Variants in RIN3 observed in about 807,000 individuals in gnomAD.
The protein encoded by RIN3 is Ras and Rab interactor 3.
Under a neutral mutation model 76.3 loss-of-function variants are expected in RIN3, and 54 were observed. The observed-to-expected ratio is 0.71, with a 90% CI of 0.57 to 0.89. The LOEUF (loss-of-function observed/expected upper bound fraction) is 0.89. Ranked by LOEUF, RIN3 falls within the 40% of genes least tolerant of loss-of-function variation. The pLI is 0.00. For synonymous variants in RIN3, 576 were observed against 564.0 expected, an observed-to-expected ratio of 1.02 and a Z score of -0.30; for missense variants, 1,256 against 1,322.1, an observed-to-expected ratio of 0.95 and a Z score of 0.78.
At chr14:92,665,372 T>A (rs1020104665) in intron 7 of RIN3, among the ~76,000 whole-genome samples, 1 of 18,796 alleles carries the variant, frequency 5.3e-5, no homozygotes, top group South Asian at 1.8e-3. Context: ...CTTTGTCTCT[T>A]TTTTTTTTTT....
At chr14:92,624,343 C>T (rs1886279267) in intron 4 of RIN3, among the ~76,000 whole-genome samples, 1 of 152,166 alleles carries the variant, frequency 6.6e-6, no homozygotes, top group African/African-American at 2.4e-5. Flanking sequence ...CATCTGCTCC[C>T]ATACCATAGA....
At chr14:92,669,653 G>T (rs1888220915) in intron 7 of RIN3, among the ~76,000 whole-genome samples, 1 of 152,024 alleles carries the variant, frequency 6.6e-6, no homozygotes, top group Admixed American at 6.5e-5. Context: ...GTGAGGTGGG[G>T]GGTAGTTTTG....
chr14:92,615,551 G>A, intron 4 of RIN3, 72 bp downstream of exon 4: 1 of 1,325,684 alleles, frequency 7.5e-7, no homozygotes, highest in Non-Finnish European at 1.1e-6. Context: ...GGTGGGTGCA[G>A]GGGACTTCAC....
At chr14:92,518,005 A>G (rs61504236) in intron 1 of RIN3, among the ~76,000 whole-genome samples, 33,021 of 152,104 alleles carry the variant, frequency 0.22, 7,950 homozygotes, top group African/African-American at 0.6. Flanking sequence ...ACAGCTTCAC[A>G]TCTTCTGTCC....
chr14:92,578,631 G>A (rs934433068), intron 3 of RIN3, among the ~76,000 whole-genome samples: 2 of 152,172 alleles, frequency 1.3e-5, no homozygotes, highest in African/African-American at 2.4e-5. Context: ...ACAGTTTGGC[G>A]GGTAGGAGGG....
At chr14:92,651,498 G>GGCCCCCCCCCCCCCCCCCCCCC in intron 5 of RIN3, 84 bp from the exon 6 acceptor site, 8 of 707,776 alleles carry the variant, frequency 1.1e-5, no homozygotes, top group East Asian at 3.6e-5. Context: ...CCCACCCGTG[G>GGCCCCCCCCCCCCCCCCCCCCC]ACCCCGCCCA....
chr14:92,546,881 G>A (rs537765420), intron 1 of RIN3, among the ~76,000 whole-genome samples: 13 of 151,580 alleles, frequency 8.6e-5, no homozygotes, highest in African/African-American at 3.1e-4. Context: ...GACCACATGT[G>A]TGGTTGCTAC....
chr14:92,614,783 A>T (rs1289465300), intron 3 of RIN3, among the ~76,000 whole-genome samples: 1 of 139,250 alleles, frequency 7.2e-6, no homozygotes, highest in Non-Finnish European at 1.5e-5. Context: ...TAGAACTGTG[A>T]GTCCATTAAA....
intron 4 of RIN3, among the ~76,000 whole-genome samples, chr14:92,635,220 C>T (rs1886732188): frequency 6.6e-6 from 1 of 152,212 alleles, no homozygotes. Flanking sequence ...CTAATGTTTA[C>T]TGAGGCATGA....
chr14:92,534,087 A>G (rs1003733909), intron 1 of RIN3, among the ~76,000 whole-genome samples: 1 of 152,014 alleles, frequency 6.6e-6, no homozygotes, highest in Non-Finnish European at 1.5e-5. Context: ...TTTTATATAT[A>G]TTTATATATG....
At chr14:92,590,385 C>T (rs909064412) in intron 3 of RIN3, among the ~76,000 whole-genome samples, 2 of 152,130 alleles carry the variant, frequency 1.3e-5, no homozygotes, top group African/African-American at 4.8e-5. Context: ...GGGTGGATCC[C>T]TCATGGCTTG....
At chr14:92,629,482 G>A (rs1276432314) in intron 4 of RIN3, among the ~76,000 whole-genome samples, 1 of 152,178 alleles carries the variant, frequency 6.6e-6, no homozygotes, top group African/African-American at 2.4e-5. Context: ...GGTTACTTGG[G>A]GTACACCCTA....
chr14:92,577,687 C>T (rs916389953), intron 3 of RIN3, among the ~76,000 whole-genome samples: 5 of 152,200 alleles, frequency 3.3e-5, no homozygotes, highest in Non-Finnish European at 5.9e-5. Flanking sequence ...CACTCACCCT[C>T]GTCGCAGCTG....
chr14:92,515,840 G>A (rs1896427592), intron 1 of RIN3, among the ~76,000 whole-genome samples: 1 of 152,236 alleles, frequency 6.6e-6, no homozygotes. Context: ...ATATTGGTTT[G>A]TTGCTAAAAC....
chr14:92,577,206 G>C, intron 2 of RIN3, 154 bp from the exon 3 acceptor site: 1 of 587,038 alleles, frequency 1.7e-6, no homozygotes, highest in South Asian at 1.9e-5. Context: ...AGGCTCTTGG[G>C]GCAGAACCCC....
intron 4 of RIN3, among the ~76,000 whole-genome samples, chr14:92,620,171 T>G (rs187241301): frequency 6.6e-6 from 1 of 152,344 alleles, no homozygotes; most frequent in Admixed American, 6.5e-5. Context: ...TTTAACCAGT[T>G]TGCACAGAGA....
chr14:92,678,337 C>T (rs537179910), intron 8 of RIN3, among the ~76,000 whole-genome samples: 2 of 151,868 alleles, frequency 1.3e-5, no homozygotes, highest in South Asian at 4.2e-4. Context: ...TATTCATCCA[C>T]CCATCCACAT....
At chr14:92,588,756 C>G (rs1256003717) in intron 3 of RIN3, among the ~76,000 whole-genome samples, 1 of 152,166 alleles carries the variant, frequency 6.6e-6, no homozygotes, top group Non-Finnish European at 1.5e-5. Flanking sequence ...GTCTGCCTCC[C>G]TCTCCCACCC....
intron 1 of RIN3, among the ~76,000 whole-genome samples, chr14:92,550,101 T>C (rs1897383506): frequency 6.6e-6 from 1 of 152,162 alleles, no homozygotes; most frequent in African/African-American, 2.4e-5. Context: ...ATAAGTGTCA[T>C]CACAGCTGTA....
Sources: gnomAD v4.1 joint callset for allele counts (sites outside exome capture counted in the v4.1 genomes callset) on GRCh38, gnomAD v4.1.1 for gene constraint, MANE v1.5 for transcripts, NCBI Gene and HGNC (gene_info 2026-07-23, HGNC 2026-07-21) for gene names.